SORCS2: variants seen among roughly 807,000 people sequenced by gnomAD.
SORCS2 encodes the protein VPS10 domain-containing receptor SorCS2.
In SORCS2, 100 loss-of-function variants were observed where a neutral mutation model predicts 141.6. The ratio of observed to expected loss-of-function variants is 0.71; its 90% CI spans 0.60 to 0.83. The LOEUF (loss-of-function observed/expected upper bound fraction) is 0.83, where lower values mean the gene tolerates loss of function less well. SORCS2 is among the 40% of genes least tolerant of loss of function. The pLI is 0.00. For synonymous variants in SORCS2, 789 were observed against 676.9 expected, an observed-to-expected ratio of 1.17 and a Z score of -2.57; for missense variants, 1,646 against 1,560.2, an observed-to-expected ratio of 1.05 and a Z score of -0.93.
rs192156322 is a variant in SORCS2 at position 7,742,058 on chromosome 4, G to C, written c.*1794G>C. ...CTTCCACCTGTCCCCCAGACCCAAA[G>C]CTCTCTCCCCACCCTACCTGCCCAC... On this transcript the variant is annotated 3_prime_UTR_variant, in exon 27 of 27. Transcript: ENST00000507866. 5.3e-4 allele frequency: 81 copies of C among 151,706 alleles called. No individual in the cohort carries two copies. The highest frequency in any genetic ancestry group is 1.7e-3 in the African/African-American group (69 of 41,294). The allele number at this position is 151,706 out of a possible 1,614,324, so 9.4% of individuals were successfully genotyped here.
chr4:7,402,101 T>C (rs190864502), intron 2 of SORCS2, among the ~76,000 whole-genome samples: 14 of 152,286 alleles, frequency 9.2e-5, no homozygotes, highest in East Asian at 1.9e-4. Context: ...GTAGGTGCCA[T>C]TGAAATTTAG....
chr4:7,454,951 G>T (rs1170617560), intron 2 of SORCS2, among the ~76,000 whole-genome samples: 2 of 144,316 alleles, frequency 1.4e-5, no homozygotes, highest in Admixed American at 6.9e-5. Flanking sequence ...CAGGAGCTGT[G>T]TGTTGGGGTC....
At chr4:7,585,954 T>C (rs1383389731) in intron 3 of SORCS2, among the ~76,000 whole-genome samples, 1 of 152,254 alleles carries the variant, frequency 6.6e-6, no homozygotes, top group African/African-American at 2.4e-5. Flanking sequence ...ATTTGGCAGT[T>C]CATTTATCTC....
intron 2 of SORCS2, among the ~76,000 whole-genome samples, chr4:7,454,630 C>T (rs1447645800): frequency 1.9e-5 from 2 of 106,408 alleles, no homozygotes; most frequent in South Asian, 3.9e-4. Context: ...GGGTCAGGTG[C>T]TGTGTGTTGG....
At chr4:7,557,781 C>T (rs559362047) in intron 3 of SORCS2, among the ~76,000 whole-genome samples, 4 of 152,332 alleles carry the variant, frequency 2.6e-5, no homozygotes, top group South Asian at 4.1e-4. Flanking sequence ...TGGCCTGCCC[C>T]GATGTGATGC....
intron 2 of SORCS2, among the ~76,000 whole-genome samples, chr4:7,456,983 G>A (rs1020670825): frequency 3.3e-5 from 5 of 152,186 alleles, no homozygotes; most frequent in South Asian, 2.1e-4. Flanking sequence ...GTGAGTCGAC[G>A]AGGTCAGGGT....
chr4:7,422,758 A>G (rs1215675705), intron 2 of SORCS2, among the ~76,000 whole-genome samples: 1 of 151,998 alleles, frequency 6.6e-6, no homozygotes, highest in East Asian at 1.9e-4. Flanking sequence ...GCCACAACCC[A>G]GGTCTCCCTG....
chr4:7,571,761 C>T (rs4689781), intron 3 of SORCS2, among the ~76,000 whole-genome samples: 42,543 of 152,002 alleles, frequency 0.28, 7,363 homozygotes, highest in East Asian at 0.74. Flanking sequence ...CAGCACCAAG[C>T]GACGTTGAAT....
chr4:7,271,793 CT>C (rs1464899530), intron 1 of SORCS2, among the ~76,000 whole-genome samples: 3 of 152,232 alleles, frequency 2.0e-5, no homozygotes, highest in Non-Finnish European at 4.4e-5. Flanking sequence ...TGGAGAAGAG[CT>C]GCAAGTACGG....
intron 1 of SORCS2, among the ~76,000 whole-genome samples, chr4:7,243,669 C>T (rs996070818): frequency 2.6e-5 from 4 of 152,248 alleles, no homozygotes; most frequent in Non-Finnish European, 5.9e-5. Flanking sequence ...AGAAGGCCAG[C>T]GGGTGGTCGT....
At chr4:7,522,257 A>G (rs975101021) in intron 2 of SORCS2, among the ~76,000 whole-genome samples, 1 of 152,160 alleles carries the variant, frequency 6.6e-6, no homozygotes, top group Non-Finnish European at 1.5e-5. Context: ...GGCACTGCAC[A>G]TACGTCCCCG....
intron 2 of SORCS2, among the ~76,000 whole-genome samples, chr4:7,511,408 A>G (rs1432068246): frequency 1.9e-4 from 16 of 84,254 alleles, no homozygotes; most frequent in African/African-American, 7.1e-4. Context: ...GCAGAGAGAG[A>G]GGGGGAGGGA....
chr4:7,636,822 C>T (rs934120571), intron 3 of SORCS2, among the ~76,000 whole-genome samples: 1 of 152,102 alleles, frequency 6.6e-6, no homozygotes, highest in Non-Finnish European at 1.5e-5. Flanking sequence ...GACCCACAAC[C>T]TGGGGAGCTG....
chr4:7,418,757 G>A (rs879173933), intron 2 of SORCS2, among the ~76,000 whole-genome samples: 3 of 147,666 alleles, frequency 2.0e-5, no homozygotes, highest in East Asian at 2.1e-4. Flanking sequence ...TTGAGCTTAC[G>A]ATTCTGTGAA....
At chr4:7,531,686 T>A in intron 3 of SORCS2, 57 bp downstream of exon 3, 1 of 1,539,096 alleles carries the variant, frequency 6.5e-7, no homozygotes, top group Non-Finnish European at 8.9e-7. Context: ...CCGCTCACTC[T>A]GCAGAGCAAG....
chr4:7,600,549 G>T (rs990797452), intron 3 of SORCS2, among the ~76,000 whole-genome samples: 6 of 152,024 alleles, frequency 3.9e-5, no homozygotes, highest in Non-Finnish European at 8.8e-5. Context: ...CAGAGGCCTG[G>T]GTTGCACCTG....
intron 5 of SORCS2, among the ~76,000 whole-genome samples, chr4:7,660,228 C>T (rs1722064852): frequency 6.6e-6 from 1 of 152,224 alleles, no homozygotes; most frequent in South Asian, 2.1e-4. Flanking sequence ...AGACTTCGCC[C>T]AGCAGGGCAA....
At chr4:7,227,146 C>A (rs1218901474) in intron 1 of SORCS2, among the ~76,000 whole-genome samples, 4 of 152,206 alleles carry the variant, frequency 2.6e-5, no homozygotes, top group South Asian at 2.1e-4. Context: ...GGAGGCCCTG[C>A]GGGACAGGAA....
intron 1 of SORCS2, among the ~76,000 whole-genome samples, chr4:7,379,620 G>A (rs1368827602): frequency 6.6e-6 from 1 of 152,208 alleles, no homozygotes; most frequent in Non-Finnish European, 1.5e-5. Flanking sequence ...TTTTGCAGAT[G>A]GTATGATTGC....
Sources: allele counts gnomAD v4.1 joint callset (sites outside exome capture counted in the v4.1 genomes callset), GRCh38; gene constraint gnomAD v4.1.1; transcripts MANE v1.5; gene names NCBI Gene and HGNC (gene_info 2026-07-23, HGNC 2026-07-21).